GRIK4: variants seen among roughly 807,000 people sequenced by gnomAD.
The protein encoded by GRIK4 is glutamate ionotropic receptor kainate type subunit 4.
GRIK4 carries 40 observed loss-of-function variants against 104.9 expected under a neutral mutation model. That is an observed-to-expected ratio of 0.38 (90% confidence interval 0.30 to 0.50). GRIK4 has a LOEUF of 0.50. Among genes scored for constraint, GRIK4 ranks in the 20% least tolerant of loss-of-function variants. The probability of loss-of-function intolerance (pLI) is 0.93; values close to 1 mark genes in which losing one functional copy is unlikely to be tolerated. For synonymous variants in GRIK4, 485 were observed against 524.9 expected (o/e 0.92, Z 1.04); for missense variants, 1,047 against 1,308.1 (o/e 0.80, Z 3.08).
chr11:120,750,350 CTTT>C (rs869135246), intron 3 of GRIK4, among the ~76,000 whole-genome samples: 10,710 of 76,572 alleles, frequency 0.14, 324 homozygotes, highest in African/African-American at 0.25. Context: ...CTAGAAATCT[CTTT>C]TTTTTTTTTT....
At position 120,898,547 on chromosome 11, in the gene GRIK4, G is replaced by A. The variant is rs749485821; in HGVS notation, c.1180G>A (p.Val394Met). 140 of 1,602,400 alleles carry A rather than the reference G, an allele frequency of 8.7e-5. 2 individuals carry two copies. In the South Asian group the frequency reaches 1.3e-3, roughly 15 times the overall value. ...NGFRQIGQWHVAEGLSMDSHL... is the reference protein window; with the variant it reads ...NGFRQIGQWHMAEGLSMDSHL... ...GTCTCCTCAGATCGGCCAGTGGCAC[G>A]TGGCAGAGGGCCTCAGCATGGACAG... The change falls in exon 12 of 21, where the codon GTG becomes ATG. Residue 394 changes from valine to methionine, a missense_variant. This residue lies in a region of GRIK4 where 440 missense variants were observed against 652.3 expected (regional missense o/e 0.67). Transcript: ENST00000527524.
chr11:120,558,840 T>G (rs1007009081), intron 1 of GRIK4, among the ~76,000 whole-genome samples: 1 of 152,226 alleles, frequency 6.6e-6, no homozygotes, highest in African/African-American at 2.4e-5. Context: ...TGGTATGGGT[T>G]GCATAGATTG....
Position 120,511,805 on chromosome 11 carries a change from G to C in GRIK4, c.-241G>C, listed in dbSNP as rs1270989841. 2 of 362,368 alleles carry C rather than the reference G, an allele frequency of 5.5e-6. No homozygotes were observed. The highest frequency in any genetic ancestry group is 3.7e-5 in the South Asian group (2 of 54,252). The allele number at this position is 362,368 out of a possible 1,614,324, so 22.4% of individuals were successfully genotyped here. On this transcript the variant is annotated 5_prime_UTR_variant, in exon 1 of 21. Transcript: ENST00000527524. ...GAGCCGCCACGGCTGCTGCGGAAGA[G>C]GAAAAACGGCCAACAGCAGCCCCGC...
rs371680962 is a variant in GRIK4 at position 120,967,329 on chromosome 11, G to A, written c.2395+6G>A. ...GGAAGATCACAGAGCTAAAGGTAAGGACGTTCAGGGCCATCCTCCTCCTGC... is the reference window on the plus strand; with the variant it reads ...GGAAGATCACAGAGCTAAAGGTAAGAACGTTCAGGGCCATCCTCCTCCTGC... On this transcript the variant is annotated splice_donor_region_variant and intron_variant, in intron 19 of 20. Transcript: ENST00000527524. The surrounding 1 kb of genome is among the most constrained non-coding windows in gnomAD (Gnocchi z 4.2). 323 of 1,609,796 alleles carry A rather than the reference G, an allele frequency of 2.0e-4. 3 individuals carry two copies. The Middle Eastern group carries it at 4.8e-3, about 24-fold the overall frequency.
intron 3 of GRIK4, among the ~76,000 whole-genome samples, chr11:120,676,981 C>T (rs764622812): frequency 8.5e-5 from 13 of 152,194 alleles, no homozygotes; most frequent in Non-Finnish European, 1.5e-4. Flanking sequence ...GTCCATAGCT[C>T]GATCCTTGGC....
chr11:120,806,611 T>C (rs1374243420), intron 4 of GRIK4, among the ~76,000 whole-genome samples: 1 of 152,248 alleles, frequency 6.6e-6, no homozygotes, highest in African/African-American at 2.4e-5. Flanking sequence ...GCAGAGGCTC[T>C]GATTGAAGCT....
intron 1 of GRIK4, among the ~76,000 whole-genome samples, chr11:120,601,802 G>C (rs1256842566): frequency 6.6e-6 from 1 of 152,074 alleles, no homozygotes; most frequent in African/African-American, 2.4e-5. Flanking sequence ...AGCTGAATGG[G>C]AACAGAAGTG....
At chr11:120,577,478 C>T (rs997946040) in intron 1 of GRIK4, among the ~76,000 whole-genome samples, 2 of 151,860 alleles carry the variant, frequency 1.3e-5, no homozygotes, top group Non-Finnish European at 2.9e-5. Flanking sequence ...TTCGTCTTTT[C>T]CTTTTTCTCC....
At chr11:120,830,312 A>T (rs1003308859) in intron 6 of GRIK4, among the ~76,000 whole-genome samples, 4 of 152,010 alleles carry the variant, frequency 2.6e-5, no homozygotes, top group African/African-American at 4.8e-5. Flanking sequence ...TTGTCCTCCG[A>T]GGCAGCCTGG....
intron 3 of GRIK4, among the ~76,000 whole-genome samples, chr11:120,754,436 C>G (rs1951618063): frequency 6.6e-6 from 1 of 152,224 alleles, no homozygotes; most frequent in Non-Finnish European, 1.5e-5. Context: ...CATTTCCTTT[C>G]ATGGCTGAAT....
chr11:120,736,429 G>T (rs567188154), intron 3 of GRIK4, among the ~76,000 whole-genome samples: 2 of 124,156 alleles, frequency 1.6e-5, no homozygotes, highest in African/African-American at 6.3e-5. Flanking sequence ...TGGTCACTTC[G>T]ACTGGTGTCT....
At chr11:120,824,981 A>G (rs1591960987) in intron 6 of GRIK4, among the ~76,000 whole-genome samples, 1 of 151,670 alleles carries the variant, frequency 6.6e-6, no homozygotes, top group Non-Finnish European at 1.5e-5. Flanking sequence ...CTGAAGTGCA[A>G]TGGTGCGATC....
chr11:120,777,794 G>A (rs567952363), intron 3 of GRIK4, among the ~76,000 whole-genome samples: 79 of 152,202 alleles, frequency 5.2e-4, no homozygotes, highest in African/African-American at 1.1e-3. Context: ...AAAAGGAGCC[G>A]GGCATGATGG....
intron 3 of GRIK4, among the ~76,000 whole-genome samples, chr11:120,747,501 A>G (rs574859161): frequency 6.6e-6 from 1 of 152,324 alleles, no homozygotes; most frequent in African/African-American, 2.4e-5. Flanking sequence ...TAAACGGATT[A>G]CCCTAGATGT....
chr11:120,525,342 T>C (rs1947845071), intron 1 of GRIK4, among the ~76,000 whole-genome samples: 1 of 152,144 alleles, frequency 6.6e-6, no homozygotes, highest in East Asian at 1.9e-4. Flanking sequence ...GCTAGTGCCT[T>C]TGGTATCATA....
At chr11:120,542,864 TAA>T (rs1265381953) in intron 1 of GRIK4, among the ~76,000 whole-genome samples, 1 of 152,248 alleles carries the variant, frequency 6.6e-6, no homozygotes, top group Non-Finnish European at 1.5e-5. Flanking sequence ...CAAAGGACTG[TAA>T]AGAGGAAACT....
intron 8 of GRIK4, among the ~76,000 whole-genome samples, chr11:120,854,267 T>C (rs561534274): frequency 7.2e-5 from 11 of 152,190 alleles, no homozygotes; most frequent in Non-Finnish European, 1.0e-4. Context: ...AGGCTGAGGC[T>C]TGGGTGAAAG....
chr11:120,689,277 C>A (rs1247321595), intron 3 of GRIK4, among the ~76,000 whole-genome samples: 2 of 152,116 alleles, frequency 1.3e-5, no homozygotes, highest in Non-Finnish European at 2.9e-5. Flanking sequence ...CTGGCAAGAG[C>A]CTCCTACCTG....
chr11:120,845,087 T>C (rs564632251), intron 8 of GRIK4, among the ~76,000 whole-genome samples: 2 of 152,296 alleles, frequency 1.3e-5, no homozygotes, highest in Admixed American at 6.5e-5. Context: ...AAACCTCTCC[T>C]TCAGGTTATA....
Sources: allele counts gnomAD v4.1 joint callset (sites outside exome capture counted in the v4.1 genomes callset), GRCh38; gene constraint gnomAD v4.1.1; regional missense constraint gnomAD v4.1.1; non-coding constraint Gnocchi (gnomAD v3.1); transcripts MANE v1.5; gene names NCBI Gene and HGNC (gene_info 2026-07-23, HGNC 2026-07-21).